C8orf34: variants seen among roughly 807,000 people sequenced by gnomAD.
C8orf34 encodes the protein uncharacterized protein C8orf34.
In C8orf34, 65 loss-of-function variants were observed where a neutral mutation model predicts 68.3. That is an observed-to-expected ratio of 0.95 (90% confidence interval 0.78 to 1.17). The LOEUF (loss-of-function observed/expected upper bound fraction) is 1.17. Among genes scored for constraint, C8orf34 ranks in the 50% most tolerant of loss-of-function variants. C8orf34 has a pLI of 0.00. For synonymous variants in C8orf34, 244 were observed against 241.2 expected, an observed-to-expected ratio of 1.01 and a Z score of -0.11; for missense variants, 664 against 655.4, an observed-to-expected ratio of 1.01 and a Z score of -0.14.
intron 12 of C8orf34, among the ~76,000 whole-genome samples, chr8:68,800,015 G>T (rs1237808530): frequency 1.3e-5 from 2 of 152,164 alleles, no homozygotes; most frequent in African/African-American, 4.8e-5. Flanking sequence ...AATTAATACT[G>T]TTTGGGGAGA....
chr8:68,501,250 G>A (rs1434778661), intron 5 of C8orf34, among the ~76,000 whole-genome samples: 3 of 152,176 alleles, frequency 2.0e-5, no homozygotes, highest in Admixed American at 6.5e-5. Context: ...CTTGGATGTG[G>A]ACACAGCCAA....
intron 1 of C8orf34, among the ~76,000 whole-genome samples, chr8:68,395,479 G>T (rs1808665569): frequency 6.6e-6 from 1 of 151,728 alleles, no homozygotes; most frequent in Non-Finnish European, 1.5e-5. Flanking sequence ...GAGAATCACT[G>T]GTCAGTACTA....
chr8:68,467,935 T>A (rs1479086086), intron 3 of C8orf34, among the ~76,000 whole-genome samples: 2 of 151,972 alleles, frequency 1.3e-5, no homozygotes, highest in Admixed American at 1.3e-4. Flanking sequence ...TTAAAAAAAA[T>A]ATGCCTCGAC....
At chr8:68,577,897 AAAAAAAAATGCTG>A (rs1306066762) in intron 7 of C8orf34, among the ~76,000 whole-genome samples, 3 of 150,560 alleles carry the variant, frequency 2.0e-5, no homozygotes, top group Non-Finnish European at 4.4e-5. Flanking sequence ...ACAAACACGA[AAAAAAAAATGCTG>A]AAATGTGAAC....
chr8:68,406,439 C>T (rs981656353), intron 1 of C8orf34, among the ~76,000 whole-genome samples: 1 of 151,848 alleles, frequency 6.6e-6, no homozygotes, highest in Admixed American at 6.6e-5. Flanking sequence ...GATCAGCTCA[C>T]CCTGGACCGG....
chr8:68,471,965 A>C (rs1184442984), intron 4 of C8orf34, among the ~76,000 whole-genome samples: 2 of 139,052 alleles, frequency 1.4e-5, no homozygotes, highest in African/African-American at 5.8e-5. Context: ...CACACACACA[A>C]CTCAAATAAT....
intron 7 of C8orf34, among the ~76,000 whole-genome samples, chr8:68,601,011 C>A (rs1353312591): frequency 3.3e-5 from 5 of 152,158 alleles, no homozygotes; most frequent in Non-Finnish European, 7.4e-5. Flanking sequence ...TGAAAACATG[C>A]ATTTTTTGCC....
At chr8:68,408,342 TATAA>T (rs1809292093) in intron 1 of C8orf34, among the ~76,000 whole-genome samples, 1 of 151,770 alleles carries the variant, frequency 6.6e-6, no homozygotes, top group South Asian at 2.1e-4. Context: ...GTAATAATAA[TATAA>T]ATAAAGTACA....
chr8:68,360,756 CT>C (rs397955906), intron 1 of C8orf34, among the ~76,000 whole-genome samples: 5,174 of 134,680 alleles, frequency 0.038, 117 homozygotes, highest in Middle Eastern at 0.058. Context: ...TTCTTCCTTT[CT>C]TTTTTTTTTT....
At chr8:68,700,151 A>C (rs1585748633) in intron 8 of C8orf34, among the ~76,000 whole-genome samples, 1 of 152,084 alleles carries the variant, frequency 6.6e-6, no homozygotes, top group African/African-American at 2.4e-5. Flanking sequence ...AATACCAAAA[A>C]CCCAAAAACA....
At chr8:68,452,433 C>A (rs1811383262) in intron 3 of C8orf34, among the ~76,000 whole-genome samples, 1 of 151,046 alleles carries the variant, frequency 6.6e-6, no homozygotes, top group Non-Finnish European at 1.5e-5. Flanking sequence ...TCTTTCCTTT[C>A]CTTTTTTAAA....
intron 1 of C8orf34, among the ~76,000 whole-genome samples, chr8:68,366,623 A>G (rs901629068): frequency 1.3e-5 from 2 of 151,382 alleles, no homozygotes; most frequent in African/African-American, 4.9e-5. Context: ...TCTTTGATAA[A>G]CCTGAGAAAA....
At chr8:68,753,203 C>A (rs1383825363) in intron 10 of C8orf34, among the ~76,000 whole-genome samples, 5 of 152,112 alleles carry the variant, frequency 3.3e-5, no homozygotes, top group Non-Finnish European at 7.4e-5. Context: ...AAATAATGAG[C>A]ACTCTTGGAT....
Position 68,446,401 on chromosome 8 carries a change from A to T in C8orf34, c.548A>T (p.Lys183Ile). ...PWQLNAKKPK[K>I]SKSDLAVSNI... ...CAATTAAATGCAAAGAAGCCTAAAAAATCAAAAAGTGACCTTGCTGTGTCT... is the reference window on the plus strand; with the variant it reads ...CAATTAAATGCAAAGAAGCCTAAAATATCAAAAAGTGACCTTGCTGTGTCT... The change falls in exon 3 of 14, where the codon AAA becomes ATA. Residue 183 changes from lysine (K) to isoleucine (I), a missense_variant. Lys to Ile is a moderately radical substitution (Grantham distance 102, BLOSUM62 -3). Transcript: ENST00000518698. 3 of 1,613,096 alleles carry T rather than the reference A, an allele frequency of 1.9e-6. No homozygotes were observed. The highest frequency in any genetic ancestry group is 2.2e-5 in the East Asian group (1 of 44,768).
intron 7 of C8orf34, among the ~76,000 whole-genome samples, chr8:68,556,646 C>T (rs1026340678): frequency 3.9e-5 from 6 of 152,040 alleles, no homozygotes; most frequent in South Asian, 2.1e-4. Context: ...CTGGAGAGGA[C>T]GACCCTGCGA....
rs538022756 is a variant in C8orf34, at chr8:68,670,744, C to T, written c.1241+30233C>T. ...CTTTGAGTCTCATATTTGCAGGACT[C>T]CAATATACATATGCACATTAATTTG... On this transcript the variant is annotated intron_variant, in intron 8 of 13. Coordinates refer to ENST00000518698, the MANE Select transcript of C8orf34 (RefSeq NM_052958.4). Among the ~76,000 whole-genome samples the T allele has an allele frequency of 2.6e-5, 4 of 152,272 alleles. No individual in the cohort carries two copies. The East Asian group carries it at 7.7e-4, about 29-fold the overall frequency.
At chr8:68,672,105 T>C (rs1820031075) in intron 8 of C8orf34, among the ~76,000 whole-genome samples, 1 of 150,828 alleles carries the variant, frequency 6.6e-6, no homozygotes, top group Non-Finnish European at 1.5e-5. Flanking sequence ...TACTTTGAAT[T>C]CCACCTTAAA....
chr8:68,681,752 A>T (rs1820377929), intron 8 of C8orf34, among the ~76,000 whole-genome samples: 1 of 152,162 alleles, frequency 6.6e-6, no homozygotes, highest in Non-Finnish European at 1.5e-5. Context: ...AAGAACCAAG[A>T]TTTGGAAGCA....
At chr8:68,510,557 A>G (rs1297052021) in intron 5 of C8orf34, among the ~76,000 whole-genome samples, 1 of 152,210 alleles carries the variant, frequency 6.6e-6, no homozygotes, top group African/African-American at 2.4e-5. Context: ...AAAAACAACT[A>G]GTGAGTTTAG....
Sources: gnomAD v4.1 joint callset for allele counts (sites outside exome capture counted in the v4.1 genomes callset) on GRCh38, gnomAD v4.1.1 for gene constraint, MANE v1.5 for transcripts, NCBI Gene and HGNC (gene_info 2026-07-23, HGNC 2026-07-21) for gene names.